The following DENND5B variants were observed in gnomAD, a reference collection of about 807,000 sequenced individuals.
DENND5B encodes the protein DENN domain-containing protein 5B.
Under a neutral mutation model 140.6 loss-of-function variants are expected in DENND5B, and 34 were observed. That is an observed-to-expected ratio of 0.24 (90% CI 0.18 to 0.32). DENND5B has a LOEUF of 0.32. DENND5B is among the 10% of genes least tolerant of loss of function. The pLI, the probability that DENND5B is intolerant of heterozygous loss-of-function variation, is 1.00. For missense variants in DENND5B, 1,142 were observed against 1,560.2 expected, an observed-to-expected ratio of 0.73 and a Z score of 4.52; for synonymous variants, 551 against 562.1, an observed-to-expected ratio of 0.98 and a Z score of 0.28.
intron 1 of DENND5B, among the ~76,000 whole-genome samples, chr12:31,553,350 A>G (rs1949144997): frequency 6.6e-6 from 1 of 152,196 alleles, no homozygotes; most frequent in Non-Finnish European, 1.5e-5. Context: ...CAGGTTGTTC[A>G]GTTTCCATGT....
rs113252525 is a variant in DENND5B, at chr12:31,406,938, T to A, written c.2803+2325A>T. 1.5e-3 allele frequency among the ~76,000 whole-genome samples: 232 copies of A among 151,386 alleles called. 1 individual carries two copies. Among genetic ancestry groups the A allele is most frequent in the African/African-American group, 5.1e-3 (212 of 41,210 alleles). ...CATCAGCCTCCTGAGTAGGTGGGACTAAAGCAAGCGCCACCACGTCCGGCT... is the reference window on the plus strand; with the variant it reads ...CATCAGCCTCCTGAGTAGGTGGGACAAAAGCAAGCGCCACCACGTCCGGCT... On this transcript the variant is annotated intron_variant, in intron 14 of 20. Transcript: ENST00000389082.
Position 31,433,138 on chromosome 12 carries a change from G to A in DENND5B, c.2106+17C>T. 6.2e-7 allele frequency: 1 copy of A among 1,612,618 alleles called. No individual in the cohort carries two copies. Among genetic ancestry groups the A allele is most frequent in the Middle Eastern group, 1.6e-4 (1 of 6,062 alleles). ...TGGCGCTTGCTGTGAGGCACCCCAG[G>A]AAGGTAGACCACATACCTCCCTCAA... On this transcript the variant is annotated intron_variant, in intron 8 of 20. Coordinates refer to ENST00000389082, the MANE Select transcript of DENND5B (RefSeq NM_144973.4).
chr12:31,438,898 T>G (rs1050594912), intron 7 of DENND5B, among the ~76,000 whole-genome samples: 6 of 152,124 alleles, frequency 3.9e-5, no homozygotes, highest in Non-Finnish European at 5.9e-5. Flanking sequence ...CACAAAAATA[T>G]AAATGGCATA....
At chr12:31,536,244 C>T (rs1339323126) in intron 1 of DENND5B, among the ~76,000 whole-genome samples, 3 of 151,838 alleles carry the variant, frequency 2.0e-5, no homozygotes, top group Non-Finnish European at 2.9e-5. Flanking sequence ...TATAGCAATG[C>T]GAGAATGGAC....
At chr12:31,557,334 A>C (rs1305321233) in intron 1 of DENND5B, among the ~76,000 whole-genome samples, 1 of 152,196 alleles carries the variant, frequency 6.6e-6, no homozygotes, top group African/African-American at 2.4e-5. Context: ...AATTTTCTAT[A>C]AAATGCATAT....
At chr12:31,416,301 G>T (rs1323730211) in intron 11 of DENND5B, among the ~76,000 whole-genome samples, 1 of 150,938 alleles carries the variant, frequency 6.6e-6, no homozygotes, top group Non-Finnish European at 1.5e-5. Flanking sequence ...CTGTTGCTCT[G>T]TTGCCAGGCT....
At chr12:31,538,513 G>T (rs1948579664) in intron 1 of DENND5B, among the ~76,000 whole-genome samples, 1 of 152,100 alleles carries the variant, frequency 6.6e-6, no homozygotes, top group South Asian at 2.1e-4. Context: ...ACTATTTAAT[G>T]ATGTATATTA....
intron 1 of DENND5B, among the ~76,000 whole-genome samples, chr12:31,551,120 G>A (rs1421161756): frequency 6.6e-6 from 1 of 151,954 alleles, no homozygotes; most frequent in African/African-American, 2.4e-5. Flanking sequence ...TGGTGTTTTA[G>A]ACATGAAGTC....
intron 3 of DENND5B, among the ~76,000 whole-genome samples, chr12:31,470,262 G>A (rs529254843): frequency 6.6e-6 from 1 of 151,872 alleles, no homozygotes; most frequent in South Asian, 2.1e-4. Flanking sequence ...TTACAGGCAT[G>A]CACCACCACG....
chr12:31,566,902 T>C (rs998501571), intron 1 of DENND5B, among the ~76,000 whole-genome samples: 9 of 152,204 alleles, frequency 5.9e-5, no homozygotes, highest in African/African-American at 2.2e-4. Context: ...GGAGTGTGCC[T>C]GTTCTACCAG....
chr12:31,510,382 C>G (rs932451091), intron 1 of DENND5B, among the ~76,000 whole-genome samples: 1 of 152,166 alleles, frequency 6.6e-6, no homozygotes, highest in African/African-American at 2.4e-5. Context: ...ATGGCACAAT[C>G]TTAGTTCACT....
intron 1 of DENND5B, among the ~76,000 whole-genome samples, chr12:31,512,990 C>T (rs889218589): frequency 1.3e-5 from 2 of 152,136 alleles, no homozygotes; most frequent in African/African-American, 2.4e-5. Context: ...AAGAATCTCA[C>T]CCAAAATACC....
intron 1 of DENND5B, among the ~76,000 whole-genome samples, chr12:31,584,278 T>G (rs183867018): frequency 6.8e-4 from 104 of 152,318 alleles, no homozygotes; most frequent in Non-Finnish European, 1.1e-3. Flanking sequence ...TGTCTCACCC[T>G]CTTCCCCTCC....
At chr12:31,542,600 T>C (rs1179183627) in intron 1 of DENND5B, among the ~76,000 whole-genome samples, 1 of 152,214 alleles carries the variant, frequency 6.6e-6, no homozygotes, top group African/African-American at 2.4e-5. Context: ...AATGCATGTA[T>C]AAAAATATCT....
intron 1 of DENND5B, among the ~76,000 whole-genome samples, chr12:31,521,044 C>G (rs1025560300): frequency 1.3e-5 from 2 of 151,694 alleles, no homozygotes; most frequent in South Asian, 4.1e-4. Flanking sequence ...ATACTCAAGT[C>G]ACATGTGGCT....
intron 1 of DENND5B, among the ~76,000 whole-genome samples, chr12:31,496,743 A>G (rs1048899485): frequency 2.0e-5 from 3 of 152,110 alleles, no homozygotes; most frequent in Non-Finnish European, 4.4e-5. Flanking sequence ...AAAGTAAAAC[A>G]TTGAAAATTC....
Position 31,415,467 on chromosome 12 carries a change from AC to A in DENND5B, c.2471-20del. On this transcript the variant is annotated intron_variant, in intron 11 of 20. Coordinates refer to ENST00000389082, the MANE Select transcript of DENND5B (RefSeq NM_144973.4). ...AGGGCAACTATGTAGAAAAATATCA[AC>A]AAAATATTAGAAAAGTAATAAAAAA... The A allele has an allele frequency of 3.2e-6, 5 of 1,555,580 alleles. No individual in the cohort carries two copies. The highest frequency in any genetic ancestry group is 4.4e-6 in the Non-Finnish European group (5 of 1,142,186).
At chr12:31,388,189 T>C (rs1349274245) in intron 20 of DENND5B, among the ~76,000 whole-genome samples, 3 of 150,066 alleles carry the variant, frequency 2.0e-5, no homozygotes, top group Non-Finnish European at 3.0e-5. Flanking sequence ...TATACTGACC[T>C]TTTGGAAGAA....
chr12:31,425,711 T>TAG (rs1347146594), intron 9 of DENND5B, among the ~76,000 whole-genome samples: 1 of 152,156 alleles, frequency 6.6e-6, no homozygotes, highest in Admixed American at 6.6e-5. Flanking sequence ...ATGCTGAAAA[T>TAG]AGTAGTACAT....
Sources: allele counts gnomAD v4.1 joint callset (sites outside exome capture counted in the v4.1 genomes callset), GRCh38; gene constraint gnomAD v4.1.1; transcripts MANE v1.5; gene names NCBI Gene and HGNC (gene_info 2026-07-23, HGNC 2026-07-21).